Variants in FHIT observed in about 807,000 individuals in gnomAD.
FHIT encodes fragile histidine triad diadenosine triphosphatase.
In FHIT, 19 loss-of-function variants were observed where a neutral mutation model predicts 17.9. The ratio of observed to expected loss-of-function variants is 1.06; its 90% confidence interval spans 0.74 to 1.56. FHIT has a LOEUF of 1.56. FHIT is among the 40% of genes most tolerant of loss of function. The pLI, the probability that FHIT is intolerant of heterozygous loss-of-function variation, is 0.00. For synonymous variants in FHIT, 81 were observed against 69.7 expected, an observed-to-expected ratio of 1.16 and a Z score of -0.81; for missense variants, 248 against 189.2, an observed-to-expected ratio of 1.31 and a Z score of -1.82.
rs564012408 is a variant in FHIT, at chr3:60,003,100, T to C, written c.279+8271A>G. Among the ~76,000 whole-genome samples the C allele has an allele frequency of 8.5e-5, 13 of 152,260 alleles. No individual in the cohort carries two copies. The East Asian group carries it at 2.5e-3, about 29-fold the overall frequency. On this transcript the variant is annotated intron_variant, in intron 7 of 9. Coordinates refer to ENST00000492590, the MANE Select transcript of FHIT (RefSeq NM_002012.4). ...GGGGCCCTTGGTTTTTCTTTTAAAA[T>C]GCACTTTAAATAATAGAATCAACAA...
chr3:60,967,805 A>G (rs963527608), intron 3 of FHIT, among the ~76,000 whole-genome samples: 3 of 152,194 alleles, frequency 2.0e-5, no homozygotes, highest in Non-Finnish European at 4.4e-5. Flanking sequence ...TTTTTCTAGG[A>G]CCATGATCAG....
At chr3:60,833,284 G>T (rs1356885970) in intron 3 of FHIT, among the ~76,000 whole-genome samples, 1 of 152,208 alleles carries the variant, frequency 6.6e-6, no homozygotes, top group Non-Finnish European at 1.5e-5. Flanking sequence ...TAGGGAGGGA[G>T]GCAGTTGGGA....
chr3:60,445,058 T>C (rs2031224470), intron 5 of FHIT, among the ~76,000 whole-genome samples: 1 of 152,116 alleles, frequency 6.6e-6, no homozygotes, highest in Admixed American at 6.6e-5. Flanking sequence ...GTGGCTTAGT[T>C]ACCTGAGCCC....
At position 59,788,881 on chromosome 3, in the gene FHIT, G is replaced by GTTTTTTT. The variant is rs60361063; in HGVS notation, c.349-36567_349-36561dup. 9.0e-4 allele frequency among the ~76,000 whole-genome samples: 78 copies of GTTTTTTT among 86,838 alleles called. 7 individuals are homozygous for GTTTTTTT. Among genetic ancestry groups the GTTTTTTT allele is most frequent in the Middle Eastern group, 0.01 (1 of 98 alleles). The allele number at this position is 86,838 out of a possible 152,430, so 57.0% of individuals were successfully genotyped here. A position where few individuals can be genotyped will look rare whatever the true frequency, so the allele number is the denominator to read the frequency against. On this transcript the variant is annotated intron_variant, in intron 8 of 9. Transcript: ENST00000492590. ...ACCACGTTCTTTGCTGAGTTCATATGTTTTTTTTTTTTACCCCATCTCCAA... is the reference window on the plus strand; with the variant it reads ...ACCACGTTCTTTGCTGAGTTCATATGTTTTTTTTTTTTTTTTTTTACCCCATCTCCAA...
intron 3 of FHIT, among the ~76,000 whole-genome samples, chr3:60,829,134 A>C (rs1702228753): frequency 6.6e-6 from 1 of 152,206 alleles, no homozygotes; most frequent in Non-Finnish European, 1.5e-5. Context: ...ACAAGCACCT[A>C]CTATGAGCCA....
intron 6 of FHIT, among the ~76,000 whole-genome samples, chr3:60,011,605 A>G (rs1559547368): frequency 6.6e-6 from 1 of 152,224 alleles, no homozygotes; most frequent in Non-Finnish European, 1.5e-5. Context: ...ATGTATAAAA[A>G]TGATATAAAT....
intron 8 of FHIT, among the ~76,000 whole-genome samples, chr3:59,831,013 G>A (rs746199817): frequency 6.6e-6 from 1 of 152,142 alleles, no homozygotes; most frequent in Non-Finnish European, 1.5e-5. Flanking sequence ...CTGTAGTTCT[G>A]TGTTATTGCA....
intron 5 of FHIT, among the ~76,000 whole-genome samples, chr3:60,185,955 A>G (rs1353913922): frequency 2.0e-5 from 3 of 152,128 alleles, no homozygotes; most frequent in Non-Finnish European, 2.9e-5. Context: ...ATCTTTAGTG[A>G]GCTATGTATT....
At chr3:60,857,164 A>T (rs1703422790) in intron 3 of FHIT, among the ~76,000 whole-genome samples, 1 of 152,284 alleles carries the variant, frequency 6.6e-6, no homozygotes, top group South Asian at 2.1e-4. Flanking sequence ...CATTGTGTGG[A>T]TGCCATCTTG....
At chr3:60,198,154 A>G (rs565806173) in intron 5 of FHIT, among the ~76,000 whole-genome samples, 2 of 152,140 alleles carry the variant, frequency 1.3e-5, no homozygotes, top group East Asian at 3.9e-4. Context: ...ATTTCACTAC[A>G]GAGTAGAGTT....
chr3:60,898,788 T>G (rs1705956106), intron 3 of FHIT, among the ~76,000 whole-genome samples: 1 of 152,136 alleles, frequency 6.6e-6, no homozygotes, highest in Admixed American at 6.5e-5. Flanking sequence ...CCGAGTTTGG[T>G]TCTGGTTATA....
At chr3:60,290,010 G>A (rs1031329168) in intron 5 of FHIT, among the ~76,000 whole-genome samples, 3 of 152,080 alleles carry the variant, frequency 2.0e-5, no homozygotes, top group Non-Finnish European at 4.4e-5. Context: ...AGTAATTCAC[G>A]ATATAATGAC....
intron 7 of FHIT, among the ~76,000 whole-genome samples, chr3:60,004,541 A>G (rs1191893825): frequency 6.6e-6 from 1 of 152,194 alleles, no homozygotes; most frequent in African/African-American, 2.4e-5. Context: ...CATTATTCCA[A>G]GCAGAGCAAA....
intron 1 of FHIT, among the ~76,000 whole-genome samples, chr3:61,206,645 T>A (rs1204076545): frequency 6.6e-6 from 1 of 152,170 alleles, no homozygotes; most frequent in African/African-American, 2.4e-5. Flanking sequence ...AAAGGAATGC[T>A]TGTGATTTTT....
At chr3:61,192,712 G>A (rs1271902315) in intron 2 of FHIT, among the ~76,000 whole-genome samples, 2 of 152,126 alleles carry the variant, frequency 1.3e-5, no homozygotes, top group African/African-American at 4.8e-5. Flanking sequence ...ATGATGCAGA[G>A]ATTCATAATT....
At chr3:59,852,105 G>C (rs146684380) in intron 8 of FHIT, among the ~76,000 whole-genome samples, 8 of 152,236 alleles carry the variant, frequency 5.3e-5, no homozygotes, top group Non-Finnish European at 1.0e-4. Flanking sequence ...AGGTATGGTG[G>C]AGTTCTGTTC....
chr3:60,668,059 C>A (rs906153464), intron 4 of FHIT, among the ~76,000 whole-genome samples: 38 of 151,850 alleles, frequency 2.5e-4, no homozygotes, highest in Non-Finnish European at 1.5e-4. Flanking sequence ...TAGAATTGGC[C>A]ACTTTTTGTG....
chr3:61,156,632 G>A (rs1230882914), intron 2 of FHIT, among the ~76,000 whole-genome samples: 1 of 152,014 alleles, frequency 6.6e-6, no homozygotes, highest in Non-Finnish European at 1.5e-5. Flanking sequence ...AAGTTTAAGA[G>A]GTAAAGTTTA....
intron 4 of FHIT, among the ~76,000 whole-genome samples, chr3:60,610,075 CATT>C (rs1279554213): frequency 3.9e-5 from 6 of 152,138 alleles, no homozygotes; most frequent in African/African-American, 9.7e-5. Flanking sequence ...AAATAAACTA[CATT>C]ATTATTATAT....
Sources: gnomAD v4.1 joint callset for allele counts (sites outside exome capture counted in the v4.1 genomes callset) on GRCh38, gnomAD v4.1.1 for gene constraint, MANE v1.5 for transcripts, NCBI Gene and HGNC (gene_info 2026-07-23, HGNC 2026-07-21) for gene names.